Variants in MAGI1 observed in about 807,000 individuals in gnomAD.
The protein encoded by MAGI1 is membrane-associated guanylate kinase, WW and PDZ domain-containing protein 1.
A neutral mutation model predicts 139.9 loss-of-function variants in MAGI1; 58 were observed. The ratio of observed to expected loss-of-function variants is 0.41; its 90% CI spans 0.34 to 0.52. The LOEUF (loss-of-function observed/expected upper bound fraction) is 0.52, where lower values mean the gene tolerates loss of function less well. Ranked by LOEUF, MAGI1 falls within the 20% of genes least tolerant of loss-of-function variation. The pLI is 0.12. For synonymous variants in MAGI1, 812 were observed against 737.9 expected, an observed-to-expected ratio of 1.10 and a Z score of -1.63; for missense variants, 1,874 against 1,901.6, an observed-to-expected ratio of 0.99 and a Z score of 0.27.
chr3:65,368,438 G>C (rs1941651660), intron 18 of MAGI1, among the ~76,000 whole-genome samples: 2 of 152,172 alleles, frequency 1.3e-5, no homozygotes, highest in Non-Finnish European at 2.9e-5. Flanking sequence ...TCACAGCCCT[G>C]TCCAGGGACT....
intron 1 of MAGI1, among the ~76,000 whole-genome samples, chr3:65,766,643 A>ACTCT (rs1250491700): frequency 6.6e-6 from 1 of 152,064 alleles, no homozygotes; most frequent in Non-Finnish European, 1.5e-5. Flanking sequence ...TAATCCCAAC[A>ACTCT]CTTTGGGAGG....
intron 1 of MAGI1, among the ~76,000 whole-genome samples, chr3:65,696,104 C>T (rs537457133): frequency 2.6e-5 from 4 of 152,296 alleles, no homozygotes; most frequent in South Asian, 4.1e-4. Flanking sequence ...GGCGTCTTTA[C>T]TATTCTACAA....
In MAGI1 at chr3:65,478,603, C is replaced by A. The variant is rs1186313433; in HGVS notation, c.746G>T (p.Ser249Ile). 6.2e-7 allele frequency: 1 copy of A among 1,613,958 alleles called. No individual in the cohort carries two copies. The highest frequency in any genetic ancestry group is 8.5e-7 in the Non-Finnish European group (1 of 1,179,908). The change falls in exon 4 of 23, where the codon AGC becomes ATC. Residue 249 changes from serine to isoleucine, a missense_variant. Physicochemically the swap from Ser to Ile is moderately radical, Grantham distance 142. This residue lies in a region of MAGI1 where 648 missense variants were observed against 598.1 expected (regional missense o/e 1.08). Transcript: ENST00000402939. ...GATCTGACCTTTACCTGTAAAGCTG[C>A]TGTTCATTTCAGGAACGTCATCCTC... is the stretch of plus-strand genomic sequence containing the variant. Reference protein sequence around the residue: ...EEEDDVPEMNSSFTADSGEQE... With the variant: ...EEEDDVPEMNISFTADSGEQE...
intron 1 of MAGI1, among the ~76,000 whole-genome samples, chr3:66,004,333 A>C (rs568248352): frequency 9.2e-5 from 14 of 152,142 alleles, no homozygotes; most frequent in Non-Finnish European, 2.1e-4. Context: ...GAATATCCGG[A>C]GGCATCTTCA....
At chr3:65,819,841 C>T (rs967541168) in intron 1 of MAGI1, among the ~76,000 whole-genome samples, 11 of 113,120 alleles carry the variant, frequency 9.7e-5, no homozygotes, top group African/African-American at 3.6e-4. Flanking sequence ...CACACCACTG[C>T]ACTCCAGCCT....
At chr3:65,401,979 G>C (rs1034805439) in intron 12 of MAGI1, 1 of 811,432 alleles carries the variant, frequency 1.2e-6, no homozygotes, top group Non-Finnish European at 1.5e-6. Context: ...TTTCGGAAGA[G>C]GAAATGCTTT....
chr3:65,945,507 C>A (rs1463290161), intron 1 of MAGI1, among the ~76,000 whole-genome samples: 1 of 149,222 alleles, frequency 6.7e-6, no homozygotes, highest in African/African-American at 2.4e-5. Context: ...GTGGACCAAC[C>A]TTGTCTAATA....
intron 1 of MAGI1, among the ~76,000 whole-genome samples, chr3:65,995,738 T>C (rs976436789): frequency 6.6e-6 from 1 of 152,204 alleles, no homozygotes; most frequent in African/African-American, 2.4e-5. Context: ...TCTATTCCCA[T>C]TTGTAATTAT....
rs1553641823 is a variant in MAGI1 at position 65,419,231 on chromosome 3, C to CACACACAT, written c.2167+10288_2167+10289insATGTGTGT. ...TTTATAACACATTCATACACACACA[C>CACACACAT]ACACACACACACACAAGTGTATGAA... On this transcript the variant is annotated intron_variant, in intron 12 of 22. Coordinates refer to ENST00000402939, the MANE Select transcript of MAGI1 (RefSeq NM_001033057.2). 5.3e-5 allele frequency among the ~76,000 whole-genome samples: 8 copies of CACACACAT among 150,886 alleles called. 1 individual carries two copies. The East Asian group carries it at 1.6e-3, about 30-fold the overall frequency.
At chr3:65,900,029 C>T (rs2061153988) in intron 1 of MAGI1, among the ~76,000 whole-genome samples, 1 of 152,060 alleles carries the variant, frequency 6.6e-6, no homozygotes. Context: ...AATCAAAGTT[C>T]CAAAAGAATT....
chr3:65,604,537 TATA>T lies in MAGI1; in HGVS notation c.430+17432_430+17434del, dbSNP rs551484210. Among the ~76,000 whole-genome samples, 11 of 152,284 alleles carry T rather than the reference TATA, an allele frequency of 7.2e-5. No homozygotes were observed. The East Asian group carries it at 1.5e-3, about 21-fold the overall frequency. ...GGCTTGTGGAATACGATGACTTTCA[TATA>T]ATGTCAGAGACAAATAATAAATCAC... is the stretch of plus-strand genomic sequence containing the variant. On this transcript the variant is annotated intron_variant, in intron 2 of 22. Transcript: ENST00000402939.
intron 2 of MAGI1, among the ~76,000 whole-genome samples, chr3:65,538,689 C>T (rs2079068677): frequency 6.6e-6 from 1 of 152,164 alleles, no homozygotes; most frequent in African/African-American, 2.4e-5. Context: ...ATGCTCTCAT[C>T]TAACCCTCAG....
intron 2 of MAGI1, among the ~76,000 whole-genome samples, chr3:65,566,389 G>A (rs1033949032): frequency 1.3e-5 from 2 of 152,030 alleles, no homozygotes; most frequent in African/African-American, 4.8e-5. Context: ...AACAGGGACT[G>A]AGTAGTAAGA....
At chr3:65,690,611 C>T (rs1291142918) in intron 1 of MAGI1, among the ~76,000 whole-genome samples, 2 of 142,976 alleles carry the variant, frequency 1.4e-5, no homozygotes. Context: ...CAAATAGCTG[C>T]CACCATGCCC....
At chr3:65,900,520 T>C (rs2108619002) in intron 1 of MAGI1, among the ~76,000 whole-genome samples, 1 of 152,334 alleles carries the variant, frequency 6.6e-6, no homozygotes. Context: ...CAGAATTACT[T>C]AGCCATATCT....
At chr3:65,543,764 G>T (rs548379923) in intron 2 of MAGI1, among the ~76,000 whole-genome samples, 3 of 151,852 alleles carry the variant, frequency 2.0e-5, no homozygotes, top group South Asian at 4.2e-4. Flanking sequence ...ATGGGGGGGG[G>T]TACAAGAGGG....
intron 2 of MAGI1, among the ~76,000 whole-genome samples, chr3:65,591,897 C>A (rs1054968809): frequency 1.3e-5 from 2 of 152,152 alleles, no homozygotes; most frequent in Non-Finnish European, 2.9e-5. Context: ...ACCCTTGACA[C>A]CTTGAAAACT....
intron 1 of MAGI1, among the ~76,000 whole-genome samples, chr3:65,790,862 G>A (rs2039713514): frequency 6.6e-6 from 1 of 152,092 alleles, no homozygotes; most frequent in African/African-American, 2.4e-5. Flanking sequence ...ATCACTTGAG[G>A]TCAGGAGTTC....
chr3:65,817,536 A>G (rs1254662106), intron 1 of MAGI1, among the ~76,000 whole-genome samples: 2 of 152,206 alleles, frequency 1.3e-5, no homozygotes, highest in Non-Finnish European at 2.9e-5. Flanking sequence ...AGGAAAAGCT[A>G]AAAACATACT....
Sources: allele counts gnomAD v4.1 joint callset (sites outside exome capture counted in the v4.1 genomes callset), GRCh38; gene constraint gnomAD v4.1.1; regional missense constraint gnomAD v4.1.1; transcripts MANE v1.5; gene names NCBI Gene and HGNC (gene_info 2026-07-23, HGNC 2026-07-21).